Variants in NBEA observed in about 807,000 individuals in gnomAD.
The protein encoded by NBEA is neurobeachin, also known as lysosomal-trafficking regulator 2.
A neutral mutation model predicts 343.4 loss-of-function variants in NBEA; 44 were observed. That is an observed-to-expected ratio of 0.13 (90% CI 0.10 to 0.16). The LOEUF is 0.16. Ranked by LOEUF, NBEA falls within the 10% of genes least tolerant of loss-of-function variation. The pLI, the probability that NBEA is intolerant of heterozygous loss-of-function variation, is 1.00. For synonymous variants in NBEA, 1,175 were observed against 1,238.7 expected (o/e 0.95, Z 1.08); for missense variants, 2,555 against 3,631.3 (o/e 0.70, Z 7.62).
intron 8 of NBEA, among the ~76,000 whole-genome samples, chr13:35,066,932 A>G (rs1444429163): frequency 6.6e-6 from 1 of 151,818 alleles, no homozygotes; most frequent in Non-Finnish European, 1.5e-5. Context: ...TTTTTCACTT[A>G]AAAAACATTT....
intron 10 of NBEA, among the ~76,000 whole-genome samples, chr13:35,088,240 C>T (rs1285523318): frequency 6.6e-6 from 1 of 151,850 alleles, no homozygotes; most frequent in Admixed American, 6.6e-5. Context: ...TTGAATCTCC[C>T]TTAATGTACC....
intron 46 of NBEA, among the ~76,000 whole-genome samples, chr13:35,585,538 C>T (rs1364993239): frequency 6.6e-6 from 1 of 152,028 alleles, no homozygotes; most frequent in Non-Finnish European, 1.5e-5. Flanking sequence ...TCCTCTTCTA[C>T]AGGATTTTTC....
At position 35,336,788 on chromosome 13, in the gene NBEA, A is replaced by G. The variant is rs144546796; in HGVS notation, c.5904-12320A>G. ...AGGAACAGAAAACCAAATACTGCAT[A>G]TTATCTTTTATAAGTGGGAGCTAAA... On this transcript the variant is annotated intron_variant, in intron 36 of 58. Coordinates refer to ENST00000379939, the MANE Select transcript of NBEA (RefSeq NM_001385012.1). 5.5e-3 allele frequency among the ~76,000 whole-genome samples: 844 copies of G among 152,182 alleles called. 10 individuals carry two copies. Among genetic ancestry groups the G allele is most frequent in the African/African-American group, 0.019 (804 of 41,542 alleles).
intron 41 of NBEA, among the ~76,000 whole-genome samples, chr13:35,494,969 C>G (rs2076625473): frequency 6.6e-6 from 1 of 151,732 alleles, no homozygotes; most frequent in African/African-American, 2.4e-5. Context: ...TGTGACCACA[C>G]CACTGTGCTC....
intron 41 of NBEA, among the ~76,000 whole-genome samples, chr13:35,536,352 A>G (rs2078540721): frequency 6.6e-6 from 1 of 152,214 alleles, no homozygotes; most frequent in Non-Finnish European, 1.5e-5. Flanking sequence ...GAAATTTACC[A>G]GGTAGACAAG....
At chr13:35,004,851 A>G (rs927878296) in intron 1 of NBEA, among the ~76,000 whole-genome samples, 2 of 152,198 alleles carry the variant, frequency 1.3e-5, no homozygotes, top group Admixed American at 6.5e-5. Context: ...TTAATAGAAC[A>G]GTGTGAATTT....
intron 45 of NBEA, among the ~76,000 whole-genome samples, chr13:35,578,486 A>G (rs575999373): frequency 6.8e-4 from 104 of 152,262 alleles, no homozygotes; most frequent in Middle Eastern, 3.4e-3. Context: ...GTGAGATTCC[A>G]TATCTATTGA....
At chr13:35,085,218 C>T (rs1185803644) in intron 10 of NBEA, among the ~76,000 whole-genome samples, 1 of 152,116 alleles carries the variant, frequency 6.6e-6, no homozygotes, top group Non-Finnish European at 1.5e-5. Context: ...AGGGAATCCT[C>T]CCTAACTCAT....
intron 38 of NBEA, among the ~76,000 whole-genome samples, chr13:35,371,877 A>T (rs1476996801): frequency 6.6e-6 from 1 of 152,216 alleles, no homozygotes; most frequent in African/African-American, 2.4e-5. Context: ...AGCTTTAAAC[A>T]GCATCAGTTG....
Position 35,593,404 on chromosome 13 carries a change from C to T in NBEA, c.7253C>T (p.Ala2418Val). The change falls in exon 47 of 59, where the codon GCA (alanine) becomes GTA (valine). Residue 2418 changes from alanine to valine, a missense_variant. Around this residue, in one of 21 missense-constraint regions of NBEA, gnomAD observed 156 missense variants for 185.8 expected, o/e 0.84. Coordinates refer to ENST00000379939, the MANE Select transcript of NBEA (RefSeq NM_001385012.1). The stretch of plus-strand genomic sequence containing the variant: ...CCAGATCGAACCTTCTCATCCGTTG[C>T]AAGGTCTTGGAGAACTAGTCAGAGA... ...DHPDRTFSSVARSWRTSQRDT... is the reference protein window; with the variant it reads ...DHPDRTFSSVVRSWRTSQRDT... 1.2e-6 allele frequency: 2 copies of T among 1,611,986 alleles called. No individual in the cohort carries two copies. Among genetic ancestry groups the T allele is most frequent in the Non-Finnish European group, 1.7e-6 (2 of 1,178,358 alleles).
chr13:35,622,714 T>G (rs1037715154), intron 48 of NBEA, among the ~76,000 whole-genome samples: 2 of 152,168 alleles, frequency 1.3e-5, no homozygotes, highest in Non-Finnish European at 2.9e-5. Context: ...ATTTAGAGAA[T>G]TTTTTAATCT....
intron 38 of NBEA, among the ~76,000 whole-genome samples, chr13:35,428,317 C>T (rs1461207592): frequency 6.6e-6 from 1 of 152,224 alleles, no homozygotes. Context: ...TGTTTCAGCT[C>T]TGCCGACTTT....
chr13:34,967,151 A>G (rs2059847614), intron 1 of NBEA, among the ~76,000 whole-genome samples: 1 of 151,746 alleles, frequency 6.6e-6, no homozygotes, highest in South Asian at 2.1e-4. Context: ...AAGGTTTGTT[A>G]TTATTAGTGA....
At chr13:35,134,606 C>A (rs1566341250) in intron 17 of NBEA, among the ~76,000 whole-genome samples, 1 of 151,858 alleles carries the variant, frequency 6.6e-6, no homozygotes, top group East Asian at 1.9e-4. Context: ...AGCAAAAACT[C>A]TTATCAGAAA....
Position 35,122,731 on chromosome 13 carries a change from T to TA in NBEA, c.2244-750dup, listed in dbSNP as rs1235557500. 2.0e-5 allele frequency among the ~76,000 whole-genome samples: 3 copies of TA among 152,110 alleles called. No individual in the cohort carries two copies. In the South Asian group the frequency reaches 6.2e-4, roughly 32 times the overall value. On this transcript the variant is annotated intron_variant, in intron 16 of 58. Coordinates refer to ENST00000379939, the MANE Select transcript of NBEA (RefSeq NM_001385012.1). The stretch of plus-strand genomic sequence containing the variant: ...ACTTAAAGTATATAAAACAAAATCT[T>TA]AGAGTAGGAACCAGGAATTGTAGGG...
Position 35,391,802 on chromosome 13 carries a change from A to C in NBEA, c.6179+39479A>C, listed in dbSNP as rs149811880. Among the ~76,000 whole-genome samples, 29 of 152,316 alleles carry C rather than the reference A, an allele frequency of 1.9e-4. No individual in the cohort carries two copies. The East Asian group carries it at 5.2e-3, about 27-fold the overall frequency. ...AATTTACATGTATTAATTGAAAACT[A>C]TCTCTGGCATTGATTGTCAAACCAA... is the stretch of plus-strand genomic sequence containing the variant. On this transcript the variant is annotated intron_variant, in intron 38 of 58. Transcript: ENST00000379939.
chr13:35,653,487 C>T (rs879855829), intron 53 of NBEA, among the ~76,000 whole-genome samples: 1 of 151,972 alleles, frequency 6.6e-6, no homozygotes, highest in African/African-American at 2.4e-5. Context: ...TGCACCACCA[C>T]GCCTGTCTAA....
chr13:35,207,234 A>G (rs929192763), intron 31 of NBEA, among the ~76,000 whole-genome samples: 1 of 152,026 alleles, frequency 6.6e-6, no homozygotes, highest in African/African-American at 2.4e-5. Context: ...TTGTGGAAAA[A>G]AAAGTGTTGA....
At chr13:35,377,990 A>G (rs1042614861) in intron 38 of NBEA, among the ~76,000 whole-genome samples, 3 of 152,234 alleles carry the variant, frequency 2.0e-5, no homozygotes, top group Non-Finnish European at 2.9e-5. Context: ...GCAGCTCAAA[A>G]TAGAGCCCTG....
Sources: allele counts gnomAD v4.1 joint callset (sites outside exome capture counted in the v4.1 genomes callset), GRCh38; gene constraint gnomAD v4.1.1; regional missense constraint gnomAD v4.1.1; transcripts MANE v1.5; gene names NCBI Gene and HGNC (gene_info 2026-07-23, HGNC 2026-07-21).